PLEK: variants seen among roughly 807,000 people sequenced by gnomAD.
PLEK encodes pleckstrin.
In PLEK, 25 loss-of-function variants were observed where a neutral mutation model predicts 43.9. The observed-to-expected ratio is 0.57, with a 90% CI of 0.41 to 0.79. The LOEUF is 0.79. Among genes scored for constraint, PLEK ranks in the 30% least tolerant of loss-of-function variants. PLEK has a pLI of 0.00. For missense variants in PLEK, 396 were observed against 413.3 expected (o/e 0.96, Z 0.36); for synonymous variants, 152 against 144.4 (o/e 1.05, Z -0.38).
chr2:68,374,465 T>C (rs537399571), intron 1 of PLEK, among the ~76,000 whole-genome samples: 1 of 152,314 alleles, frequency 6.6e-6, no homozygotes, highest in Non-Finnish European at 1.5e-5. Flanking sequence ...AGGGTGGTGT[T>C]ACTATAATCA....
Position 68,393,160 on chromosome 2 carries a change from A to C in PLEK, c.763-2A>C. 1 of 1,595,536 alleles carries C rather than the reference A, an allele frequency of 6.3e-7. No individual in the cohort carries two copies. Among genetic ancestry groups the C allele is most frequent in the Non-Finnish European group, 8.6e-7 (1 of 1,163,084 alleles). On this transcript the variant is annotated splice_acceptor_variant, in intron 6 of 8. Transcript: ENST00000234313. LOFTEE classifies it high-confidence loss of function. ...TTCTTTTAATGTTGATCCTGGATAC[A>C]GGGGCATAGAAGGAAAAACTGGAAA...
At position 68,380,330 on chromosome 2, in the gene PLEK, G is replaced by T; in HGVS notation, c.45G>T (p.Gly15=). The T allele has an allele frequency of 6.2e-7, 1 of 1,611,880 alleles. No homozygotes were observed. Among genetic ancestry groups the T allele is most frequent in the Non-Finnish European group, 8.5e-7 (1 of 1,178,472 alleles). Residue 15 remains glycine (G), a splice_region_variant and synonymous_variant, in exon 2 of 9, where the codon GGG becomes GGT. Coordinates refer to ENST00000234313, the MANE Select transcript of PLEK (RefSeq NM_002664.3). ...AGCTCTTTTGGTTGTCATTACAGGGGAGCGTGTTCAATACGTGGAAACCCA... is the reference window on the plus strand; with the variant it reads ...AGCTCTTTTGGTTGTCATTACAGGGTAGCGTGTTCAATACGTGGAAACCCA... The part of the protein sequence containing the change: ...RIREGYLVKK[G]SVFNTWKPMW...
In PLEK at chr2:68,388,196, G is replaced by A. The variant is rs544261035; in HGVS notation, c.658-191G>A. On this transcript the variant is annotated intron_variant, in intron 5 of 8. Transcript: ENST00000234313. ...GTGGAGACAAGAAAGGAACAGCCCC[G>A]GAAGCAAGTAAAAGGAGGAGGAGAA... 2.3e-5 allele frequency: 12 copies of A among 521,848 alleles called. No homozygotes were observed. The South Asian group carries it at 2.4e-4, about 11-fold the overall frequency. The allele number at this position is 521,848 out of a possible 1,614,324, so 32.3% of individuals were successfully genotyped here. A position where few individuals can be genotyped will look rare whatever the true frequency, so the allele number is the denominator to read the frequency against.
At chr2:68,393,806 T>A (rs1342093749) in intron 7 of PLEK, among the ~76,000 whole-genome samples, 1 of 152,158 alleles carries the variant, frequency 6.6e-6, no homozygotes, top group Non-Finnish European at 1.5e-5. Context: ...AACATGTAGC[T>A]CTTTTTTAGT....
chr2:68,377,178 C>T (rs1673522661), intron 1 of PLEK, among the ~76,000 whole-genome samples: 1 of 152,188 alleles, frequency 6.6e-6, no homozygotes, highest in South Asian at 2.1e-4. Context: ...TGTTGAGGGA[C>T]ACTTAGGTTG....
At chr2:68,374,684 G>C (rs1016350) in intron 1 of PLEK, among the ~76,000 whole-genome samples, 80,456 of 151,924 alleles carry the variant, frequency 0.53, 22,885 homozygotes, top group East Asian at 0.76. Flanking sequence ...TACTCCCATC[G>C]TCGGTAACCA....
In PLEK at chr2:68,380,912, T is replaced by C. The variant is rs768698279; in HGVS notation, c.380+8T>C. ...AGAAACCATTGACTTAGGGTGATTT[T>C]CTGTGTTTACTTCTCTTTACCCATT... On this transcript the variant is annotated splice_region_variant and intron_variant, in intron 3 of 8. Transcript: ENST00000234313. 1 of 1,610,282 alleles carries C rather than the reference T, an allele frequency of 6.2e-7. No homozygotes were observed. The highest frequency in any genetic ancestry group is 1.1e-5 in the South Asian group (1 of 90,804).
intron 4 of PLEK, 96 bp downstream of exon 4, chr2:68,382,729 G>GGTT: frequency 3.0e-6 from 2 of 674,840 alleles, no homozygotes; most frequent in South Asian, 3.7e-5. Context: ...GAAGTATGGG[G>GGTT]GTTGGAAGGG....
At position 68,380,767 on chromosome 2, in the gene PLEK, C is replaced by G. The variant is rs750406217; in HGVS notation, c.243C>G (p.Phe81Leu). The stretch of plus-strand genomic sequence containing the variant: ...CGACCAAACAGCAGGACCACTTCTT[C>G]CAGGCAGCCTTCCTGGAGGAGAGAG... The part of the protein sequence containing the change: ...ITTTKQQDHF[F>L]QAAFLEERDA... The change falls in exon 3 of 9, where the codon TTC becomes TTG. Residue 81 changes from phenylalanine (F) to leucine (L), a missense_variant. Phe to Leu is a conservative substitution (Grantham distance 22). Coordinates refer to ENST00000234313, the MANE Select transcript of PLEK (RefSeq NM_002664.3). 8.7e-6 allele frequency: 14 copies of G among 1,613,916 alleles called. No homozygotes were observed. The East Asian group carries it at 3.1e-4, about 36-fold the overall frequency.
At chr2:68,387,769 ACAGT>A (rs918534432) in intron 5 of PLEK, among the ~76,000 whole-genome samples, 2 of 140,726 alleles carry the variant, frequency 1.4e-5, no homozygotes, top group African/African-American at 5.1e-5. Context: ...GGGAAGTTCC[ACAGT>A]CTGTTTTTTT....
At chr2:68,371,695 G>T (rs1298483215) in intron 1 of PLEK, among the ~76,000 whole-genome samples, 1 of 152,132 alleles carries the variant, frequency 6.6e-6, no homozygotes, top group Non-Finnish European at 1.5e-5. Context: ...TCCAGCTCCA[G>T]AGCCCATGGT....
chr2:68,381,658 G>A (rs1673620442), intron 3 of PLEK, among the ~76,000 whole-genome samples: 1 of 152,188 alleles, frequency 6.6e-6, no homozygotes, highest in Non-Finnish European at 1.5e-5. Flanking sequence ...ATGGAGGGTG[G>A]GGTGGGGAGA....
intron 6 of PLEK, among the ~76,000 whole-genome samples, chr2:68,389,925 C>A (rs1005965767): frequency 1.3e-5 from 2 of 152,006 alleles, no homozygotes; most frequent in African/African-American, 2.4e-5. Context: ...GAGGAAATTT[C>A]TTTATTTTGT....
chr2:68,376,584 C>A (rs997737134), intron 1 of PLEK, among the ~76,000 whole-genome samples: 3 of 92,634 alleles, frequency 3.2e-5, no homozygotes, highest in African/African-American at 1.8e-4. Flanking sequence ...TCAGTCTTAT[C>A]TATTAATAAT....
chr2:68,374,557 G>A (rs974392587), intron 1 of PLEK, among the ~76,000 whole-genome samples: 21 of 152,244 alleles, frequency 1.4e-4, no homozygotes, highest in African/African-American at 5.1e-4. Context: ...CTTACAATAA[G>A]GTACATGAAG....
chr2:68,394,118 C>G lies in PLEK; in HGVS notation c.858C>G (p.Pro286=). The G allele has an allele frequency of 6.2e-7, 1 of 1,606,950 alleles. No individual in the cohort carries two copies. The highest frequency in any genetic ancestry group is 8.5e-7 in the Non-Finnish European group (1 of 1,173,630). ...HYYDPAGAED[P]LGAIHLRGCV... is the part of the protein sequence containing the mutation. ...CCTTTCTTCTTTAGGCAGAAGATCC[C>G]CTGGGAGCAATTCACTTGAGAGGCT... Residue 286 remains proline (P), a synonymous_variant, in exon 8 of 9, where the codon CCC becomes CCG. Transcript: ENST00000234313.
In PLEK at chr2:68,395,784, G is replaced by T. The variant is rs1246078497; in HGVS notation, c.1021G>T (p.Ala341Ser). 3.1e-6 allele frequency: 5 copies of T among 1,613,662 alleles called. No homozygotes were observed. In the African/African-American group the frequency reaches 6.7e-5, roughly 22 times the overall value. ...TPKERTEWIRAIQMASRTGK is the reference protein window; with the variant it reads ...TPKERTEWIRSIQMASRTGK ...CAAGGAGCGCACAGAGTGGATCAGA[G>T]CCATCCAGATGGCCTCCCGAACTGG... The change falls in exon 9 of 9, where the codon GCC (alanine) becomes TCC (serine). Residue 341 changes from alanine to serine, a missense_variant. Ala to Ser is a moderately conservative substitution (Grantham distance 99). Coordinates refer to ENST00000234313, the MANE Select transcript of PLEK (RefSeq NM_002664.3).
intron 4 of PLEK, 107 bp from the exon 5 acceptor site, chr2:68,386,395 C>A (rs189906385): frequency 8.3e-6 from 6 of 723,014 alleles, no homozygotes; most frequent in Non-Finnish European, 1.4e-5. Flanking sequence ...ACAGGGGAGA[C>A]GAGACAAGTC....
intron 1 of PLEK, among the ~76,000 whole-genome samples, chr2:68,378,507 T>G (rs1673549506): frequency 6.6e-6 from 1 of 152,154 alleles, no homozygotes; most frequent in African/African-American, 2.4e-5. Flanking sequence ...GCCTTCAGCT[T>G]TCCCATTCAT....
Sources: gnomAD v4.1 joint callset for allele counts (sites outside exome capture counted in the v4.1 genomes callset) on GRCh38, gnomAD v4.1.1 for gene constraint, MANE v1.5 for transcripts, NCBI Gene and HGNC (gene_info 2026-07-23, HGNC 2026-07-21) for gene names.